Variants in MGAT4C observed in about 807,000 individuals in gnomAD.
MGAT4C encodes the protein MGAT4 family member C.
A neutral mutation model predicts 40.1 loss-of-function variants in MGAT4C; 19 were observed. The ratio of observed to expected loss-of-function variants is 0.47; its 90% confidence interval spans 0.33 to 0.70. MGAT4C has a LOEUF of 0.70. Ranked by LOEUF, MGAT4C falls within the 30% of genes least tolerant of loss-of-function variation. The pLI is 0.02. For synonymous variants in MGAT4C, 181 were observed against 187.1 expected, an observed-to-expected ratio of 0.97 and a Z score of 0.27; for missense variants, 491 against 563.2, an observed-to-expected ratio of 0.87 and a Z score of 1.30.
At chr12:86,136,063 C>T (rs191897666) in intron 1 of MGAT4C, among the ~76,000 whole-genome samples, 2 of 152,236 alleles carry the variant, frequency 1.3e-5, no homozygotes, top group Admixed American at 6.5e-5. Flanking sequence ...GCTTCATTTT[C>T]TCATAGATTA....
intron 2 of MGAT4C, among the ~76,000 whole-genome samples, chr12:86,007,910 A>G (rs1476502059): frequency 2.2e-5 from 3 of 139,426 alleles, no homozygotes; most frequent in Non-Finnish European, 4.9e-5. Context: ...GAAGAAGAGG[A>G]TGAAGTCCCT....
intron 1 of MGAT4C, among the ~76,000 whole-genome samples, chr12:86,776,992 T>C (rs1385239947): frequency 6.6e-6 from 1 of 152,188 alleles, no homozygotes; most frequent in Non-Finnish European, 1.5e-5. Context: ...AAATTGTACC[T>C]AGTAGCTATC....
At chr12:86,061,119 C>T (rs566619658) in intron 1 of MGAT4C, among the ~76,000 whole-genome samples, 7 of 152,252 alleles carry the variant, frequency 4.6e-5, no homozygotes, top group African/African-American at 1.7e-4. Context: ...GCAAGATCAA[C>T]TCAGGAGGCG....
intron 2 of MGAT4C, among the ~76,000 whole-genome samples, chr12:86,008,655 T>C (rs755575430): frequency 6.6e-6 from 1 of 152,124 alleles, no homozygotes; most frequent in Non-Finnish European, 1.5e-5. Flanking sequence ...AAATAGAAGT[T>C]ATTAAAACAA....
intron 2 of MGAT4C, among the ~76,000 whole-genome samples, chr12:86,565,832 A>T (rs1340319019): frequency 6.6e-6 from 1 of 152,202 alleles, no homozygotes; most frequent in Admixed American, 6.5e-5. Flanking sequence ...CCTCTTTCCC[A>T]GCCACCCTTG....
chr12:86,215,913 A>G (rs926419180), intron 1 of MGAT4C, among the ~76,000 whole-genome samples: 2 of 152,032 alleles, frequency 1.3e-5, no homozygotes, highest in East Asian at 3.9e-4. Context: ...TTTGAGCTCC[A>G]CAGATTTGCT....
chr12:86,527,184 A>G (rs1376197243), intron 2 of MGAT4C, among the ~76,000 whole-genome samples: 1 of 152,148 alleles, frequency 6.6e-6, no homozygotes, highest in Non-Finnish European at 1.5e-5. Context: ...TGATTTTTGT[A>G]CATAATGAGA....
At chr12:86,444,236 G>A (rs765009062) in intron 2 of MGAT4C, among the ~76,000 whole-genome samples, 7 of 151,870 alleles carry the variant, frequency 4.6e-5, no homozygotes, top group Non-Finnish European at 1.0e-4. Flanking sequence ...TTCTCTTCTC[G>A]TCTTTAGTGG....
chr12:86,093,250 T>C (rs1352059803), intron 1 of MGAT4C, among the ~76,000 whole-genome samples: 1 of 152,164 alleles, frequency 6.6e-6, no homozygotes, highest in Non-Finnish European at 1.5e-5. Context: ...CTATGTTCCT[T>C]TCTACTGACT....
intron 4 of MGAT4C, among the ~76,000 whole-genome samples, chr12:86,261,845 C>A (rs1952664675): frequency 6.6e-6 from 1 of 152,064 alleles, no homozygotes; most frequent in Non-Finnish European, 1.5e-5. Flanking sequence ...AAACTCTTAA[C>A]ATCCCTCCCC....
chr12:86,648,256 T>C (rs1049836083), intron 2 of MGAT4C, among the ~76,000 whole-genome samples: 15 of 151,962 alleles, frequency 9.9e-5, no homozygotes, highest in African/African-American at 3.6e-4. Flanking sequence ...TTGTTGAGTA[T>C]TCATTTGCAT....
intron 3 of MGAT4C, among the ~76,000 whole-genome samples, chr12:86,392,799 C>T (rs1956181882): frequency 6.6e-6 from 1 of 152,074 alleles, no homozygotes; most frequent in African/African-American, 2.4e-5. Context: ...AATTAGTTAC[C>T]TGTTGATAAA....
chr12:86,513,314 T>A (rs376824443), intron 2 of MGAT4C, among the ~76,000 whole-genome samples: 1 of 152,112 alleles, frequency 6.6e-6, no homozygotes, highest in African/African-American at 2.4e-5. Context: ...CTCAAATTCA[T>A]GTTAAATATA....
chr12:86,069,160 T>A (rs1292108645), intron 1 of MGAT4C, among the ~76,000 whole-genome samples: 1 of 142,068 alleles, frequency 7.0e-6, no homozygotes, highest in Admixed American at 7.1e-5. Context: ...TGTCATTTTG[T>A]ACCTTCAGTT....
chr12:86,338,674 G>A (rs1954839383), intron 3 of MGAT4C, among the ~76,000 whole-genome samples: 1 of 151,620 alleles, frequency 6.6e-6, no homozygotes, highest in Non-Finnish European at 1.5e-5. Context: ...TCATAATTTT[G>A]CAAAGGCAGT....
intron 4 of MGAT4C, among the ~76,000 whole-genome samples, chr12:86,332,372 TGAA>T (rs1954688309): frequency 6.6e-6 from 1 of 151,424 alleles, no homozygotes; most frequent in Non-Finnish European, 1.5e-5. Context: ...AATAATAAAA[TGAA>T]GAACGGATTT....
intron 1 of MGAT4C, among the ~76,000 whole-genome samples, chr12:86,163,967 T>C (rs1029698393): frequency 2.0e-5 from 3 of 152,212 alleles, no homozygotes; most frequent in South Asian, 2.1e-4. Flanking sequence ...AGCAAATTTG[T>C]AGTTTTATAT....
intron 2 of MGAT4C, among the ~76,000 whole-genome samples, chr12:86,495,788 G>GT (rs1392113529): frequency 1.3e-5 from 2 of 151,978 alleles, no homozygotes; most frequent in South Asian, 2.1e-4. Flanking sequence ...TCCTTCCTCA[G>GT]TAACTCATAA....
intron 1 of MGAT4C, among the ~76,000 whole-genome samples, chr12:86,078,515 C>T (rs1187570614): frequency 1.3e-5 from 2 of 152,194 alleles, no homozygotes; most frequent in Admixed American, 6.5e-5. Context: ...AATGAGGACA[C>T]ACTGCTGCCC....
Sources: allele counts gnomAD v4.1 joint callset (sites outside exome capture counted in the v4.1 genomes callset), GRCh38; gene constraint gnomAD v4.1.1; transcripts MANE v1.5; gene names NCBI Gene and HGNC (gene_info 2026-07-23, HGNC 2026-07-21).